The following CNBD1 variants were observed in gnomAD, a reference collection of about 807,000 sequenced individuals.
CNBD1 encodes cyclic nucleotide-binding domain-containing protein 1.
A neutral mutation model predicts 54.4 loss-of-function variants in CNBD1; 71 were observed. The ratio of observed to expected loss-of-function variants is 1.30; its 90% CI spans 1.08 to 1.59. CNBD1 has a LOEUF of 1.59. Ranked by LOEUF, CNBD1 falls within the 40% of genes most tolerant of loss-of-function variation. The pLI is 0.00. For missense variants in CNBD1, 659 were observed against 518.0 expected (o/e 1.27, Z -2.64); for synonymous variants, 182 against 170.7 (o/e 1.07, Z -0.51).
intron 4 of CNBD1, among the ~76,000 whole-genome samples, chr8:87,030,582 T>C (rs1176736665): frequency 6.6e-6 from 1 of 152,216 alleles, no homozygotes; most frequent in African/African-American, 2.4e-5. Flanking sequence ...TGACACTTTA[T>C]ATCTTCTAAA....
chr8:87,342,691 G>A (rs976908836), intron 8 of CNBD1, among the ~76,000 whole-genome samples: 32 of 152,128 alleles, frequency 2.1e-4, no homozygotes, highest in African/African-American at 6.8e-4. Context: ...TGGCGACCTC[G>A]AGCTACAAAA....
chr8:86,901,456 CTTA>C (rs1808931552), intron 2 of CNBD1, among the ~76,000 whole-genome samples: 1 of 152,064 alleles, frequency 6.6e-6, no homozygotes, highest in Non-Finnish European at 1.5e-5. Flanking sequence ...CAATAAATAT[CTTA>C]TTAAAAGCTT....
intron 3 of CNBD1, among the ~76,000 whole-genome samples, chr8:86,910,745 T>C (rs528147321): frequency 5.9e-5 from 9 of 152,298 alleles, no homozygotes; most frequent in East Asian, 1.9e-4. Flanking sequence ...GTTTGTTCCA[T>C]GACCACGGAA....
intron 5 of CNBD1, among the ~76,000 whole-genome samples, chr8:87,220,060 T>C (rs1411841127): frequency 6.6e-6 from 1 of 151,924 alleles, no homozygotes; most frequent in Non-Finnish European, 1.5e-5. Context: ...GTTTTAGTGA[T>C]TTTTTAAAGG....
intron 6 of CNBD1, among the ~76,000 whole-genome samples, chr8:87,260,620 T>C (rs112238087): frequency 0.019 from 2,861 of 152,208 alleles, 87 homozygotes; most frequent in African/African-American, 0.062. Flanking sequence ...GGTAAGAAAC[T>C]CTTACCCTTT....
chr8:87,416,229 GAATAAGAAGATAAA>G (rs1807831631), intron 2 of CNBD1, among the ~76,000 whole-genome samples: 1 of 151,794 alleles, frequency 6.6e-6, no homozygotes, highest in South Asian at 2.1e-4. Context: ...ATATATAATA[GAATAAGAAGATAAA>G]AATAAGTAGA....
At chr8:86,946,678 G>T (rs1807476522) in intron 4 of CNBD1, among the ~76,000 whole-genome samples, 1 of 149,720 alleles carries the variant, frequency 6.7e-6, no homozygotes, top group South Asian at 2.1e-4. Context: ...TGACTCTATT[G>T]GGAATTTTTA....
chr8:87,330,043 A>G (rs1586019407), intron 8 of CNBD1, among the ~76,000 whole-genome samples: 1 of 151,998 alleles, frequency 6.6e-6, no homozygotes, highest in South Asian at 2.1e-4. Context: ...TAGATATTCT[A>G]TATCAATTGG....
intron 2 of CNBD1, among the ~76,000 whole-genome samples, chr8:87,418,499 A>G (rs898942767): frequency 3.9e-5 from 6 of 151,962 alleles, no homozygotes; most frequent in African/African-American, 1.2e-4. Flanking sequence ...CCAAAGAAAG[A>G]CTAGATAAAC....
At chr8:86,990,009 G>A (rs933980777) in intron 4 of CNBD1, among the ~76,000 whole-genome samples, 1 of 152,118 alleles carries the variant, frequency 6.6e-6, no homozygotes, top group Non-Finnish European at 1.5e-5. Flanking sequence ...TATGATAAAT[G>A]TCTAATCCGA....
chr8:87,406,006 T>C lies in CNBD1; in HGVS notation c.214-22540T>C, dbSNP rs183347081. ...ATCCCTGCAGTTTTGCATCTTATTC[T>C]CAATATATTTCTCTATGGATATTGA... is the stretch of plus-strand genomic sequence containing the variant. On this transcript the variant is annotated intron_variant, in intron 2 of 7. Transcript: ENST00000521593. 1.2e-4 allele frequency among the ~76,000 whole-genome samples: 18 copies of C among 152,286 alleles called. No individual in the cohort carries two copies. In the East Asian group the frequency reaches 3.3e-3, roughly 28 times the overall value.
At chr8:87,065,025 G>A (rs915677261) in intron 4 of CNBD1, among the ~76,000 whole-genome samples, 1 of 151,680 alleles carries the variant, frequency 6.6e-6, no homozygotes, top group African/African-American at 2.4e-5. Flanking sequence ...ATAAGTTTTG[G>A]CTCAGAAATT....
intron 10 of CNBD1, among the ~76,000 whole-genome samples, chr8:87,364,906 G>T (rs1185282502): frequency 5.9e-5 from 9 of 152,078 alleles, no homozygotes; most frequent in South Asian, 2.1e-4. Context: ...TGGGCATTTA[G>T]GTTGATTCCA....
At chr8:87,127,071 G>C (rs970841795) in intron 4 of CNBD1, among the ~76,000 whole-genome samples, 1 of 151,626 alleles carries the variant, frequency 6.6e-6, no homozygotes, top group East Asian at 2.0e-4. Context: ...GCTTACCATA[G>C]CTTTATAATA....
At position 87,182,100 on chromosome 8, in the gene CNBD1, A is replaced by C. The variant is rs769169971; in HGVS notation, c.432-23893A>C. On this transcript the variant is annotated intron_variant, in intron 4 of 10. Transcript: ENST00000518476. This position sits in a 1 kb window ranked among gnomAD's most constrained non-coding sequence, Gnocchi z 4.1. ...GTCTACTTTTCCCATCTTTGTGTTC[A>C]TGTGTACTCAATATTTAGTTCCCAT... 1.3e-5 allele frequency among the ~76,000 whole-genome samples: 2 copies of C among 152,046 alleles called. No individual in the cohort carries two copies. The highest frequency in any genetic ancestry group is 1.9e-4 in the East Asian group (1 of 5,184).
chr8:87,005,195 C>A (rs1291197473), intron 4 of CNBD1, among the ~76,000 whole-genome samples: 1 of 151,376 alleles, frequency 6.6e-6, no homozygotes, highest in Non-Finnish European at 1.5e-5. Context: ...CATGGTGAAA[C>A]CCGGTCTCTA....
chr8:87,416,585 C>T (rs1453784618), intron 2 of CNBD1, among the ~76,000 whole-genome samples: 3 of 152,056 alleles, frequency 2.0e-5, no homozygotes, highest in Non-Finnish European at 2.9e-5. Flanking sequence ...CCCAGACAAG[C>T]ATCCTTCTCT....
chr8:87,081,786 A>G (rs370827186), intron 4 of CNBD1, among the ~76,000 whole-genome samples: 1 of 152,046 alleles, frequency 6.6e-6, no homozygotes, highest in Non-Finnish European at 1.5e-5. Context: ...GATTACATGC[A>G]TGAGCCACCA....
chr8:87,271,550 A>C (rs1808363970), intron 6 of CNBD1, among the ~76,000 whole-genome samples: 1 of 151,868 alleles, frequency 6.6e-6, no homozygotes, highest in East Asian at 1.9e-4. Context: ...GGGTTTGTGT[A>C]ATTTTCGAGG....
Sources: gnomAD v4.1 joint callset for allele counts (sites outside exome capture counted in the v4.1 genomes callset) on GRCh38, gnomAD v4.1.1 for gene constraint, Gnocchi (gnomAD v3.1) non-coding constraint, MANE v1.5 for transcripts, NCBI Gene and HGNC (gene_info 2026-07-23, HGNC 2026-07-21) for gene names.